The following ACOT7 variants were observed in gnomAD, a reference collection of about 807,000 sequenced individuals.
The protein encoded by ACOT7 is acyl-CoA thioesterase 7, also known as cytosolic acyl coenzyme A thioester hydrolase.
In ACOT7, 12 loss-of-function variants were observed where a neutral mutation model predicts 40.2. That is an observed-to-expected ratio of 0.30 (90% confidence interval 0.19 to 0.48). The LOEUF (loss-of-function observed/expected upper bound fraction) is 0.48. ACOT7 is among the 20% of genes least tolerant of loss of function. The pLI, the probability that ACOT7 is intolerant of heterozygous loss-of-function variation, is 0.99. For synonymous variants in ACOT7, 228 were observed against 219.5 expected (o/e 1.04, Z -0.34); for missense variants, 395 against 530.8 (o/e 0.74, Z 2.51).
intron 6 of ACOT7, among the ~76,000 whole-genome samples, chr1:6,297,797 T>G (rs774568023): frequency 3.4e-4 from 52 of 152,080 alleles, no homozygotes; most frequent in Non-Finnish European, 6.3e-4. Flanking sequence ...AATACCGCAG[T>G]GGGAAAGAGG....
chr1:6,335,079 C>T (rs1641061395), intron 3 of ACOT7, among the ~76,000 whole-genome samples: 1 of 151,976 alleles, frequency 6.6e-6, no homozygotes, highest in African/African-American at 2.4e-5. Context: ...ACCTGTAATC[C>T]CAGCACTTTG....
At position 6,274,421 on chromosome 1, in the gene ACOT7, C is replaced by T. The variant is rs978750561; in HGVS notation, c.1014+6681G>A. 3.3e-5 allele frequency among the ~76,000 whole-genome samples: 5 copies of T among 152,244 alleles called. No homozygotes were observed. Among genetic ancestry groups the T allele is most frequent in the Non-Finnish European group, 7.3e-5 (5 of 68,048 alleles). ...ACTTAAGCCCTGGGGCCCATCCCGC[C>T]CCTCCAGCTGAACAGCAGGTCAAAC... On this transcript the variant is annotated intron_variant, in intron 8 of 8. Transcript: ENST00000361521. This position sits in a 1 kb window ranked among gnomAD's most constrained non-coding sequence, Gnocchi z 5.9.
intron 6 of ACOT7, among the ~76,000 whole-genome samples, chr1:6,317,256 T>C (rs1449144739): frequency 6.6e-6 from 1 of 152,210 alleles, no homozygotes; most frequent in Non-Finnish European, 1.5e-5. Flanking sequence ...AACCAACTTG[T>C]TTTTAAAAGC....
intron 2 of ACOT7, among the ~76,000 whole-genome samples, chr1:6,345,757 TCA>T (rs966403691): frequency 2.6e-5 from 4 of 152,280 alleles, no homozygotes; most frequent in South Asian, 4.1e-4. Flanking sequence ...GTTCTAGGCC[TCA>T]GTTTCCCCAC....
rs147972201 is a variant in ACOT7 at position 6,383,423 on chromosome 1, G to A, written c.143+9834C>T. 5.3e-4 allele frequency among the ~76,000 whole-genome samples: 80 copies of A among 151,360 alleles called. 1 individual carries two copies. In the East Asian group the frequency reaches 0.015, roughly 28 times the overall value. On this transcript the variant is annotated intron_variant, in intron 1 of 8. Transcript: ENST00000361521. ...AGGATGGTCTCGATCTCCTGACCTC[G>A]TGATCCATCCGCCTCAGCCTCCCAA...
chr1:6,295,585 T>C (rs779889109), intron 6 of ACOT7: 8 of 152,092 alleles, frequency 5.3e-5, no homozygotes, highest in Non-Finnish European at 8.8e-5. Context: ...AGAAAAAAAA[T>C]GTGGCCTGTC....
rs1023860355 is a variant in ACOT7, at chr1:6,352,276, A to G, written c.144-2410T>C. The G allele has an allele frequency of 3.9e-5, 6 of 152,738 alleles. No individual in the cohort carries two copies. The highest frequency in any genetic ancestry group is 1.4e-4 in the African/African-American group (6 of 41,474). 9.5% of individuals were successfully genotyped at this position (152,738 alleles called of 1,614,324 possible). A position where few individuals can be genotyped will look rare whatever the true frequency, so the allele number is the denominator to read the frequency against. On this transcript the variant is annotated intron_variant, in intron 1 of 8. Transcript: ENST00000361521. The surrounding 1 kb of genome is among the most constrained non-coding windows in gnomAD (Gnocchi z 4.5). ...ACCTTCCCTCCAAGCCAGGGCAGCC[A>G]GTGAGTCCCAGCCTCAGCTGGGATT...
rs12069548 is a variant in ACOT7 at position 6,355,745 on chromosome 1, G to C, written c.144-5879C>G. Reference sequence around the variant, plus strand: ...AAAACTCAGATCTCATCACACCAGAGGCCGGCCAGCACTCATCCCAAGAGC... The same window carrying C: ...AAAACTCAGATCTCATCACACCAGACGCCGGCCAGCACTCATCCCAAGAGC... On this transcript the variant is annotated intron_variant, in intron 1 of 8. Coordinates refer to ENST00000361521, the MANE Select transcript of ACOT7 (RefSeq NM_007274.4). This position sits in a 1 kb window ranked among gnomAD's most constrained non-coding sequence, Gnocchi z 5.0. 0.081 allele frequency among the ~76,000 whole-genome samples: 12,321 copies of C among 152,298 alleles called. 843 individuals are homozygous for C. The highest frequency in any genetic ancestry group is 0.18 in the African/African-American group (7,389 of 41,540).
intron 1 of ACOT7, among the ~76,000 whole-genome samples, chr1:6,392,428 T>G (rs1642547265): frequency 6.6e-6 from 1 of 152,154 alleles, no homozygotes; most frequent in Admixed American, 6.5e-5. Flanking sequence ...CGAAGAGAAC[T>G]GCAGAGTAAC....
intron 5 of ACOT7, among the ~76,000 whole-genome samples, chr1:6,324,077 T>C (rs906037518): frequency 6.6e-6 from 1 of 151,992 alleles, no homozygotes; most frequent in Admixed American, 6.6e-5. Context: ...CTGTTCCCCA[T>C]TGACCCGGAC....
intron 6 of ACOT7, among the ~76,000 whole-genome samples, chr1:6,308,145 GA>G (rs1362799382): frequency 6.8e-6 from 1 of 147,408 alleles, no homozygotes; most frequent in African/African-American, 2.5e-5. Context: ...CAGGCAGGGG[GA>G]ACAGCGACCA....
chr1:6,361,021 C>T (rs1292021181), intron 1 of ACOT7, among the ~76,000 whole-genome samples: 2 of 152,162 alleles, frequency 1.3e-5, no homozygotes, highest in Non-Finnish European at 2.9e-5. Flanking sequence ...ATTGACAAAA[C>T]GAGATGTCTA....
At chr1:6,265,260 G>A (rs1439298632) in intron 8 of ACOT7, among the ~76,000 whole-genome samples, 1 of 151,356 alleles carries the variant, frequency 6.6e-6, no homozygotes, top group Non-Finnish European at 1.5e-5. Flanking sequence ...CCAGAGAGAC[G>A]TGGGGAAAGC....
chr1:6,388,737 TA>T (rs34026058), intron 1 of ACOT7, among the ~76,000 whole-genome samples: 27,870 of 84,628 alleles, frequency 0.33, 3,923 homozygotes, highest in African/African-American at 0.5. Context: ...GAGACTCTCT[TA>T]AAAAAAAAAA....
rs1189306979 is a variant in ACOT7 at position 6,299,280 on chromosome 1, A to AT, written c.713-4301dup. ...GCAGCTGCTATCATGGGATGTGGGG[A>AT]TTTGGTGGACATCTGTTGAGCTGAA... On this transcript the variant is annotated intron_variant, in intron 6 of 8. Transcript: ENST00000361521. The surrounding 1 kb of genome is among the most constrained non-coding windows in gnomAD (Gnocchi z 4.1). Among the ~76,000 whole-genome samples, 1 of 152,210 alleles carries AT rather than the reference A, an allele frequency of 6.6e-6. No individual in the cohort carries two copies. Among genetic ancestry groups the AT allele is most frequent in the Non-Finnish European group, 1.5e-5 (1 of 68,030 alleles).
At position 6,330,731 on chromosome 1, in the gene ACOT7, C is replaced by T. The variant is rs569359630; in HGVS notation, c.510+2746G>A. On this transcript the variant is annotated intron_variant, in intron 4 of 8. Transcript: ENST00000361521. The surrounding 1 kb of genome is among the most constrained non-coding windows in gnomAD (Gnocchi z 4.6). Reference sequence around the variant, plus strand: ...TGGGAGCCAGGGGAGTCAGAAGCTACCCGTCCCCTCCACTGGCCAAAAACC... The same window carrying T: ...TGGGAGCCAGGGGAGTCAGAAGCTATCCGTCCCCTCCACTGGCCAAAAACC... Among the ~76,000 whole-genome samples, 3 of 152,268 alleles carry T rather than the reference C, an allele frequency of 2.0e-5. No homozygotes were observed. Among genetic ancestry groups the T allele is most frequent in the East Asian group, 3.9e-4 (2 of 5,176 alleles).
intron 7 of ACOT7, among the ~76,000 whole-genome samples, chr1:6,284,660 A>G (rs567516136): frequency 6.7e-6 from 1 of 149,938 alleles, no homozygotes; most frequent in African/African-American, 2.5e-5. Context: ...TGAGGCGCAC[A>G]CCAAATCCTC....
rs562238178 is a variant in ACOT7, at chr1:6,352,739, C to T, written c.144-2873G>A. Reference sequence around the variant, plus strand: ...CTGGCACTACAGGCGCCCGCCACCACGCCCGGCTAATTTTTTGCATTTTTT... The same window carrying T: ...CTGGCACTACAGGCGCCCGCCACCATGCCCGGCTAATTTTTTGCATTTTTT... On this transcript the variant is annotated intron_variant, in intron 1 of 8. Transcript: ENST00000361521. This position sits in a 1 kb window ranked among gnomAD's most constrained non-coding sequence, Gnocchi z 4.5. Among the ~76,000 whole-genome samples, 20 of 151,926 alleles carry T rather than the reference C, an allele frequency of 1.3e-4. No individual in the cohort carries two copies. The South Asian group carries it at 2.3e-3, about 17-fold the overall frequency.
At chr1:6,284,838 G>A (rs1256877279) in intron 7 of ACOT7, among the ~76,000 whole-genome samples, 1 of 152,128 alleles carries the variant, frequency 6.6e-6, no homozygotes, top group Non-Finnish European at 1.5e-5. Flanking sequence ...CCTTCTGTGA[G>A]CTCCCTGAAG....
Sources: gnomAD v4.1 joint callset for allele counts (sites outside exome capture counted in the v4.1 genomes callset) on GRCh38, gnomAD v4.1.1 for gene constraint, Gnocchi (gnomAD v3.1) non-coding constraint, MANE v1.5 for transcripts, NCBI Gene and HGNC (gene_info 2026-07-23, HGNC 2026-07-21) for gene names.